Variants in NR2E3 observed in about 807,000 individuals in gnomAD.
NR2E3 encodes the protein nuclear receptor subfamily 2 group E member 3.
Under a neutral mutation model 37.6 loss-of-function variants are expected in NR2E3, and 38 were observed. The observed-to-expected ratio is 1.01, with a 90% CI of 0.78 to 1.33. NR2E3 has a LOEUF of 1.33. NR2E3 is among the 40% of genes most tolerant of loss of function. The probability of loss-of-function intolerance (pLI) is 0.00; values close to 1 mark genes in which losing one functional copy is unlikely to be tolerated. For missense variants in NR2E3, 562 were observed against 558.7 expected (o/e 1.01, Z -0.06); for synonymous variants, 235 against 225.1 (o/e 1.04, Z -0.39).
rs745910334 is a variant in NR2E3 at position 71,811,477 on chromosome 15, C to T, written c.119-6C>T. The T allele has an allele frequency of 4.5e-6, 7 of 1,554,582 alleles. No homozygotes were observed. The Admixed American group carries it at 7.8e-5, about 17-fold the overall frequency. The stretch of plus-strand genomic sequence containing the variant: ...CCCTGGCCCAGCCCTGCCCCCTGCC[C>T]CTCAGGCGTGAGCCCCTCGCTCCAG... On this transcript the variant is annotated splice_polypyrimidine_tract_variant and splice_region_variant and intron_variant, in intron 1 of 7. Coordinates refer to ENST00000617575, the MANE Select transcript of NR2E3 (RefSeq NM_014249.4). This position sits in a 1 kb window ranked among gnomAD's most constrained non-coding sequence, Gnocchi z 5.6.
rs779402522 is a variant in NR2E3, at chr15:71,813,534, T to C, written c.893T>C (p.Met298Thr). The change falls in exon 6 of 8, where the codon ATG (methionine) becomes ACG (threonine). Residue 298 changes from methionine (M) to threonine (T), a missense_variant. Transcript: ENST00000617575. The surrounding 1 kb of genome is among the most constrained non-coding windows in gnomAD (Gnocchi z 4.7). Reference sequence around the variant, plus strand: ...CAGGGCCGGCTCACGCTGGCCAGCATGGAGACGCGTGTCCTGCAGGAAACT... The same window carrying C: ...CAGGGCCGGCTCACGCTGGCCAGCACGGAGACGCGTGTCCTGCAGGAAACT... ...GAQGRLTLAS[M>T]ETRVLQETIS... The C allele has an allele frequency of 1.5e-5, 24 of 1,613,740 alleles. No individual in the cohort carries two copies. The highest frequency in any genetic ancestry group is 1.9e-5 in the Non-Finnish European group (23 of 1,179,802).
At position 71,813,314 on chromosome 15, in the gene NR2E3, G is replaced by A; in HGVS notation, c.748-75G>A. 6.4e-7 allele frequency: 1 copy of A among 1,554,324 alleles called. No homozygotes were observed. The highest frequency in any genetic ancestry group is 8.7e-7 in the Non-Finnish European group (1 of 1,149,936). On this transcript the variant is annotated intron_variant, in intron 5 of 7. Coordinates refer to ENST00000617575, the MANE Select transcript of NR2E3 (RefSeq NM_014249.4). This position sits in a 1 kb window ranked among gnomAD's most constrained non-coding sequence, Gnocchi z 4.7. ...GCACTTCCATTCCTTGGGTGCCTGA[G>A]ATGGTGGCAGAGGCTCCAGACTGAG...
At chr15:71,816,383 C>G (rs920316968) in intron 7 of NR2E3, among the ~76,000 whole-genome samples, 3 of 151,746 alleles carry the variant, frequency 2.0e-5, no homozygotes, top group Non-Finnish European at 4.4e-5. Flanking sequence ...GCCTCAGCCT[C>G]CCGAGTAGCT....
At position 71,812,480 on chromosome 15, in the gene NR2E3, C is replaced by CT; in HGVS notation, c.717dup (p.Val240CysfsTer20). On this transcript the variant is annotated frameshift_variant, in exon 5 of 8. Coordinates refer to ENST00000617575, the MANE Select transcript of NR2E3 (RefSeq NM_014249.4). LOFTEE classifies it high-confidence loss of function. ...GCCGTCAAGTGGGCCAAGAACCTGC[C>CT]TGTGTTCTCCAGCCTGCCCTTCCGG... 1 of 1,613,206 alleles carries CT rather than the reference C, an allele frequency of 6.2e-7. No homozygotes were observed. Among genetic ancestry groups the CT allele is most frequent in the Non-Finnish European group, 8.5e-7 (1 of 1,179,302 alleles).
At position 71,811,332 on chromosome 15, in the gene NR2E3, T is replaced by C. The variant is rs1217057556; in HGVS notation, c.119-151T>C. On this transcript the variant is annotated intron_variant, in intron 1 of 7. Coordinates refer to ENST00000617575, the MANE Select transcript of NR2E3 (RefSeq NM_014249.4). This position sits in a 1 kb window ranked among gnomAD's most constrained non-coding sequence, Gnocchi z 5.6. Reference sequence around the variant, plus strand: ...TGTGGATGCACAGTGAGGGAGACACTTCTCCAGATGGAAGAGTCACGCGTG... The same window carrying C: ...TGTGGATGCACAGTGAGGGAGACACCTCTCCAGATGGAAGAGTCACGCGTG... 3 of 687,764 alleles carry C rather than the reference T, an allele frequency of 4.4e-6. No individual in the cohort carries two copies. The highest frequency in any genetic ancestry group is 7.3e-6 in the Non-Finnish European group (3 of 410,158). 42.6% of individuals were successfully genotyped at this position (687,764 alleles called of 1,614,324 possible). A position where few individuals can be genotyped will look rare whatever the true frequency, so the allele number is the denominator to read the frequency against.
chr15:71,814,139 C>A (rs955355374), intron 7 of NR2E3, 22 bp downstream of exon 7: 6 of 1,602,946 alleles, frequency 3.7e-6, no homozygotes, highest in Admixed American at 1.7e-5. Flanking sequence ...ATGCGCCCAC[C>A]CACTCATCTG....
chr15:71,813,419 C>G lies in NR2E3; in HGVS notation c.778C>G (p.Leu260Val). The G allele has an allele frequency of 6.2e-7, 1 of 1,611,356 alleles. No individual in the cohort carries two copies. Among genetic ancestry groups the G allele is most frequent in the Non-Finnish European group, 8.5e-7 (1 of 1,178,854 alleles). Residue 260 changes from leucine to valine, a missense_variant, in exon 6 of 8, where the codon CTC becomes GTC. Leu to Val is a conservative substitution (Grantham distance 32, BLOSUM62 1). Coordinates refer to ENST00000617575, the MANE Select transcript of NR2E3 (RefSeq NM_014249.4). The surrounding 1 kb of genome is among the most constrained non-coding windows in gnomAD (Gnocchi z 4.7). ...CCTGCTGGAAGAGGCGTGGAGTGAA[C>G]TCTTTCTCCTCGGGGCCATCCAGTG... ...VILLEEAWSE[L>V]FLLGAIQWSL...
chr15:71,811,502 G>C lies in NR2E3; in HGVS notation c.138G>C (p.Gln46His), dbSNP rs1595955883. 6.4e-7 allele frequency: 1 copy of C among 1,562,678 alleles called. No homozygotes were observed. The highest frequency in any genetic ancestry group is 8.7e-7 in the Non-Finnish European group (1 of 1,154,158). ...CCTCAGGCGTGAGCCCCTCGCTCCA[G>C]TGCCGCGTGTGCGGAGACAGCAGCA... is the stretch of plus-strand genomic sequence containing the variant. ...EDPTGVSPSL[Q>H]CRVCGDSSSG... Residue 46 changes from glutamine to histidine, a missense_variant, in exon 2 of 8, where the codon CAG (glutamine) becomes CAC (histidine). Coordinates refer to ENST00000617575, the MANE Select transcript of NR2E3 (RefSeq NM_014249.4). The surrounding 1 kb of genome is among the most constrained non-coding windows in gnomAD (Gnocchi z 5.6).
chr15:71,815,871 T>C (rs1411887904), intron 7 of NR2E3, among the ~76,000 whole-genome samples: 1 of 152,236 alleles, frequency 6.6e-6, no homozygotes, highest in Non-Finnish European at 1.5e-5. Flanking sequence ...GGTGAGGCAA[T>C]ACCTGCAGTT....
chr15:71,817,577 C>T lies in NR2E3; in HGVS notation c.1126C>T (p.Pro376Ser). 6.3e-7 allele frequency: 1 copy of T among 1,599,716 alleles called. No homozygotes were observed. Among genetic ancestry groups the T allele is most frequent in the East Asian group, 2.3e-5 (1 of 44,436 alleles). The stretch of plus-strand genomic sequence containing the variant: ...GTTTGGGAAATTGCTCCTGCTCCTC[C>T]CGTCTTTGAGGTTTATCACTGCGGA... Reference protein sequence around the residue: ...VRFGKLLLLLPSLRFITAERI... With the variant: ...VRFGKLLLLLSSLRFITAERI... The change falls in exon 8 of 8, where the codon CCG (proline) becomes TCG (serine). Residue 376 changes from proline to serine, a missense_variant. Pro to Ser is a moderately conservative substitution (Grantham distance 74, BLOSUM62 -1). Transcript: ENST00000617575.
At chr15:71,810,907 G>A in intron 1 of NR2E3, 46 bp downstream of exon 1, 1 of 1,505,266 alleles carries the variant, frequency 6.6e-7, no homozygotes, top group Non-Finnish European at 8.9e-7. Context: ...CCCTTGGGGA[G>A]CAGGGTAAGG....
chr15:71,816,241 C>A (rs1256771199), intron 7 of NR2E3, among the ~76,000 whole-genome samples: 2 of 151,608 alleles, frequency 1.3e-5, no homozygotes, highest in African/African-American at 4.8e-5. Context: ...GTTGCGGACT[C>A]CTGTCTTAGC....
chr15:71,814,141 A>G, intron 7 of NR2E3, 24 bp downstream of exon 7: 1 of 1,600,708 alleles, frequency 6.2e-7, no homozygotes, highest in Non-Finnish European at 8.5e-7. Flanking sequence ...GCGCCCACCC[A>G]CTCATCTGTC....
In NR2E3 at chr15:71,810,644, A is replaced by C; in HGVS notation, c.-100A>C. 6.6e-7 allele frequency: 1 copy of C among 1,513,284 alleles called. No homozygotes were observed. The highest frequency in any genetic ancestry group is 2.1e-5 in the Admixed American group (1 of 47,738). The allele number at this position is 1,513,284 out of a possible 1,614,324, so 93.7% of individuals were successfully genotyped here. On this transcript the variant is annotated 5_prime_UTR_variant, in exon 1 of 8. Coordinates refer to ENST00000617575, the MANE Select transcript of NR2E3 (RefSeq NM_014249.4). ...TCAGACAGAGTTCAGGAAGGGAGACAGGGGCACAGAGAGACAGAGGTTCAT... is the reference window on the plus strand; with the variant it reads ...TCAGACAGAGTTCAGGAAGGGAGACCGGGGCACAGAGAGACAGAGGTTCAT...
chr15:71,813,700 C>G lies in NR2E3; in HGVS notation c.994+65C>G, dbSNP rs867857061. 6.3e-7 allele frequency: 1 copy of G among 1,599,558 alleles called. No homozygotes were observed. Among genetic ancestry groups the G allele is most frequent in the Non-Finnish European group, 8.5e-7 (1 of 1,175,456 alleles). ...GTGACTTCCATCTGCCTCTCACTCT[C>G]CCTCCACTACCCCCATGTGTGCAGA... On this transcript the variant is annotated intron_variant, in intron 6 of 7. Transcript: ENST00000617575. This position sits in a 1 kb window ranked among gnomAD's most constrained non-coding sequence, Gnocchi z 4.7.
rs2054201927 is a variant in NR2E3 at position 71,813,413 on chromosome 15, A to G, written c.772A>G (p.Ser258Gly). The change falls in exon 6 of 8, where the codon AGT becomes GGT. Residue 258 changes from serine (S) to glycine (G), a missense_variant. Coordinates refer to ENST00000617575, the MANE Select transcript of NR2E3 (RefSeq NM_014249.4). This position sits in a 1 kb window ranked among gnomAD's most constrained non-coding sequence, Gnocchi z 4.7. Reference protein sequence around the residue: ...DQVILLEEAWSELFLLGAIQW... With the variant: ...DQVILLEEAWGELFLLGAIQW... Reference sequence around the variant, plus strand: ...GGTGATCCTGCTGGAAGAGGCGTGGAGTGAACTCTTTCTCCTCGGGGCCAT... The same window carrying G: ...GGTGATCCTGCTGGAAGAGGCGTGGGGTGAACTCTTTCTCCTCGGGGCCAT... 6.2e-7 allele frequency: 1 copy of G among 1,611,632 alleles called. No homozygotes were observed. Among genetic ancestry groups the G allele is most frequent in the African/African-American group, 1.3e-5 (1 of 74,902 alleles).
In NR2E3 at chr15:71,813,268, G is replaced by A. The variant is rs1047232686; in HGVS notation, c.748-121G>A. 2.6e-5 allele frequency: 36 copies of A among 1,361,932 alleles called. No individual in the cohort carries two copies. Among genetic ancestry groups the A allele is most frequent in the Admixed American group, 8.1e-5 (4 of 49,682 alleles). The allele number at this position is 1,361,932 out of a possible 1,614,324, so 84.4% of individuals were successfully genotyped here. Reference sequence around the variant, plus strand: ...TGAGCCTCTGGCTGATGTCAGGAGAGCATTCTCGGGTCCCAGGACAGCACT... The same window carrying A: ...TGAGCCTCTGGCTGATGTCAGGAGAACATTCTCGGGTCCCAGGACAGCACT... On this transcript the variant is annotated intron_variant, in intron 5 of 7. Transcript: ENST00000617575. This position sits in a 1 kb window ranked among gnomAD's most constrained non-coding sequence, Gnocchi z 4.7.
chr15:71,815,406 G>A (rs528802259), intron 7 of NR2E3, among the ~76,000 whole-genome samples: 5 of 152,330 alleles, frequency 3.3e-5, no homozygotes, highest in African/African-American at 1.2e-4. Context: ...TGCTGCTTAT[G>A]AGCATAGGGA....
rs939119222 is a variant in NR2E3, at chr15:71,813,701, C to G, written c.994+66C>G. The G allele has an allele frequency of 8.7e-6, 14 of 1,600,230 alleles. No homozygotes were observed. Among genetic ancestry groups the G allele is most frequent in the Admixed American group, 5.0e-5 (3 of 59,992 alleles). ...TGACTTCCATCTGCCTCTCACTCTC[C>G]CTCCACTACCCCCATGTGTGCAGAT... On this transcript the variant is annotated intron_variant, in intron 6 of 7. Coordinates refer to ENST00000617575, the MANE Select transcript of NR2E3 (RefSeq NM_014249.4). This position sits in a 1 kb window ranked among gnomAD's most constrained non-coding sequence, Gnocchi z 4.7.
Sources: gnomAD v4.1 joint callset for allele counts (sites outside exome capture counted in the v4.1 genomes callset) on GRCh38, gnomAD v4.1.1 for gene constraint, Gnocchi (gnomAD v3.1) non-coding constraint, MANE v1.5 for transcripts, NCBI Gene and HGNC (gene_info 2026-07-23, HGNC 2026-07-21) for gene names.